TNNI3K: variants seen among roughly 807,000 people sequenced by gnomAD.
TNNI3K encodes TNNI3 interacting kinase.
TNNI3K carries 140 observed loss-of-function variants against 114.5 expected under a neutral mutation model. The observed-to-expected ratio is 1.22, with a 90% confidence interval of 1.07 to 1.41. The LOEUF (loss-of-function observed/expected upper bound fraction) is 1.41, where lower values mean the gene tolerates loss of function less well. TNNI3K is among the 40% of genes most tolerant of loss of function. The pLI, the probability that TNNI3K is intolerant of heterozygous loss-of-function variation, is 0.00. For missense variants in TNNI3K, 1,125 were observed against 1,007.6 expected, an observed-to-expected ratio of 1.12 and a Z score of -1.58; for synonymous variants, 347 against 347.5, an observed-to-expected ratio of 1.00 and a Z score of 0.02.
chr1:74,354,123 G>T lies in TNNI3K; in HGVS notation c.1171G>T (p.Glu391Ter), dbSNP rs149189267. 5.9e-5 allele frequency: 96 copies of T among 1,613,874 alleles called. No homozygotes were observed. In the African/African-American group the frequency reaches 1.0e-3, roughly 17 times the overall value. ...GCAGACATGTTTGATGTGGGCTTATGAAAAAGGTATATTTTTAATCATCGT... is the reference window on the plus strand; with the variant it reads ...GCAGACATGTTTGATGTGGGCTTATTAAAAAGGTATATTTTTAATCATCGT... Reference protein sequence around the residue: ...DEQTCLMWAYEKGHDAIVTLL... With the variant: ...DEQTCLMWAY Residue 391 changes from glutamate (E) to a stop codon, truncating the protein, a stop_gained, in exon 11 of 25, where the codon GAA (glutamate) becomes TAA (stop). Coordinates refer to ENST00000326637, the MANE Select transcript of TNNI3K (RefSeq NM_015978.3). LOFTEE classifies it high-confidence loss of function.
At chr1:74,242,117 G>A (rs1465024849) in intron 2 of TNNI3K, among the ~76,000 whole-genome samples, 1 of 152,024 alleles carries the variant, frequency 6.6e-6, no homozygotes, top group Admixed American at 6.5e-5. Context: ...CCAAAGTGCT[G>A]GGATTACAAG....
chr1:74,390,494 C>A (rs1268972185), intron 17 of TNNI3K, among the ~76,000 whole-genome samples: 1 of 152,116 alleles, frequency 6.6e-6, no homozygotes, highest in Non-Finnish European at 1.5e-5. Flanking sequence ...TCATTGAGGT[C>A]ATCACAGTGC....
At chr1:74,529,573 C>T (rs1160148880) in intron 23 of TNNI3K, among the ~76,000 whole-genome samples, 18 of 152,114 alleles carry the variant, frequency 1.2e-4, no homozygotes, top group Admixed American at 9.8e-4. Context: ...ACTTGAATGG[C>T]GTCTGAGAGT....
intron 5 of TNNI3K, among the ~76,000 whole-genome samples, chr1:74,315,337 A>G (rs1659249279): frequency 6.6e-6 from 1 of 152,152 alleles, no homozygotes; most frequent in African/African-American, 2.4e-5. Context: ...GTGAAGAACC[A>G]TTAGAGGATG....
chr1:74,314,191 T>C (rs1032393486), intron 5 of TNNI3K, among the ~76,000 whole-genome samples: 1 of 149,602 alleles, frequency 6.7e-6, no homozygotes, highest in African/African-American at 2.4e-5. Context: ...ACTTTTATTT[T>C]AAGTTCAGGG....
chr1:74,451,699 C>CTTTTCTTTTCTTTTCT (rs1557575131), intron 20 of TNNI3K, among the ~76,000 whole-genome samples: 1 of 27,258 alleles, frequency 3.7e-5, no homozygotes, highest in Non-Finnish European at 8.3e-5. Context: ...TTCTTTCTTT[C>CTTTTCTTTTCTTTTCT]TTTCTTTCTT....
intron 2 of TNNI3K, among the ~76,000 whole-genome samples, chr1:74,238,654 A>G (rs990954007): frequency 2.0e-5 from 3 of 152,104 alleles, no homozygotes; most frequent in Non-Finnish European, 4.4e-5. Context: ...GGATTTGAAG[A>G]ATTTTGAGAC....
chr1:74,333,788 T>C (rs1251215294), intron 6 of TNNI3K, among the ~76,000 whole-genome samples: 2 of 152,242 alleles, frequency 1.3e-5, no homozygotes. Context: ...GAGCAATATT[T>C]CCTAGGTATG....
chr1:74,272,705 T>C (rs1656425039), intron 5 of TNNI3K, among the ~76,000 whole-genome samples: 1 of 151,950 alleles, frequency 6.6e-6, no homozygotes, highest in East Asian at 1.9e-4. Context: ...TTTAAAGTAT[T>C]AATTTTATAT....
At chr1:74,335,316 A>G (rs1056869906) in intron 6 of TNNI3K, among the ~76,000 whole-genome samples, 1 of 152,138 alleles carries the variant, frequency 6.6e-6, no homozygotes, top group Non-Finnish European at 1.5e-5. Flanking sequence ...ACTGCACCTT[A>G]ACTCTTAATC....
chr1:74,500,113 TA>T (rs1195253500), intron 23 of TNNI3K, among the ~76,000 whole-genome samples: 7 of 151,980 alleles, frequency 4.6e-5, no homozygotes, highest in Admixed American at 1.3e-4. Flanking sequence ...TGAAAGATCT[TA>T]GACCATTTTA....
At chr1:74,359,859 A>G (rs573147922) in intron 11 of TNNI3K, among the ~76,000 whole-genome samples, 118 of 152,070 alleles carry the variant, frequency 7.8e-4, no homozygotes, top group African/African-American at 2.8e-3. Context: ...CAACAAGTCC[A>G]AAATTGAACT....
chr1:74,279,142 A>T (rs1263955665), intron 5 of TNNI3K, among the ~76,000 whole-genome samples: 1 of 152,104 alleles, frequency 6.6e-6, no homozygotes, highest in Non-Finnish European at 1.5e-5. Context: ...GACTAGGAAC[A>T]CCCCCATGAG....
At chr1:74,394,270 ATC>A (rs749955828) in intron 17 of TNNI3K, among the ~76,000 whole-genome samples, 1 of 152,196 alleles carries the variant, frequency 6.6e-6, no homozygotes, top group South Asian at 2.1e-4. Context: ...AGGTGTTGCA[ATC>A]TCTTTTAGTA....
intron 17 of TNNI3K, among the ~76,000 whole-genome samples, chr1:74,414,203 G>C (rs1018583286): frequency 1.3e-5 from 2 of 152,094 alleles, no homozygotes; most frequent in Non-Finnish European, 2.9e-5. Flanking sequence ...AACAATCTAT[G>C]CTGGTTAGTT....
rs1018810610 is a variant in TNNI3K, at chr1:74,465,882, T to A, written c.2121+2332T>A. Among the ~76,000 whole-genome samples, 4 of 152,242 alleles carry A rather than the reference T, an allele frequency of 2.6e-5. No homozygotes were observed. The South Asian group carries it at 8.3e-4, about 32-fold the overall frequency. ...GTAAAATGGACCAATCAGCAGGATG[T>A]GGGTGGGGCCAGATAAGGGAATAAA... On this transcript the variant is annotated intron_variant, in intron 21 of 24. Transcript: ENST00000326637.
At chr1:74,330,189 G>A (rs758745236) in intron 5 of TNNI3K, among the ~76,000 whole-genome samples, 5 of 151,978 alleles carry the variant, frequency 3.3e-5, no homozygotes, top group Admixed American at 6.6e-5. Context: ...AGGCTACTTT[G>A]GCGTATTGAT....
intron 17 of TNNI3K, among the ~76,000 whole-genome samples, chr1:74,384,897 G>A (rs1663394433): frequency 6.6e-6 from 1 of 152,036 alleles, no homozygotes. Context: ...CCCAGAAGTT[G>A]GTCTCTGATA....
At chr1:74,528,398 G>A (rs902994524) in intron 23 of TNNI3K, among the ~76,000 whole-genome samples, 1 of 152,128 alleles carries the variant, frequency 6.6e-6, no homozygotes, top group Non-Finnish European at 1.5e-5. Flanking sequence ...GAATAGGCGG[G>A]TAGGTGTCAG....
Sources: gnomAD v4.1 joint callset for allele counts (sites outside exome capture counted in the v4.1 genomes callset) on GRCh38, gnomAD v4.1.1 for gene constraint, MANE v1.5 for transcripts, NCBI Gene and HGNC (gene_info 2026-07-23, HGNC 2026-07-21) for gene names.